Variants in TJP1 observed in about 807,000 individuals in gnomAD.
TJP1 encodes the protein tight junction protein 1.
In TJP1, 43 loss-of-function variants were observed where a neutral mutation model predicts 194.2. The ratio of observed to expected loss-of-function variants is 0.22; its 90% confidence interval spans 0.17 to 0.29. The LOEUF is 0.29. Among genes scored for constraint, TJP1 ranks in the 10% least tolerant of loss-of-function variants. The pLI, the probability that TJP1 is intolerant of heterozygous loss-of-function variation, is 1.00. For missense variants in TJP1, 1,971 were observed against 2,185.7 expected (o/e 0.90, Z 1.96); for synonymous variants, 801 against 779.0 (o/e 1.03, Z -0.47).
intron 1 of TJP1, among the ~76,000 whole-genome samples, chr15:29,965,478 C>G (rs2056302291): frequency 6.6e-6 from 1 of 152,142 alleles, no homozygotes; most frequent in South Asian, 2.1e-4. Context: ...TCTCACAGTG[C>G]TGAGATTACA....
At position 29,773,332 on chromosome 15, in the gene TJP1, G is replaced by A; in HGVS notation, c.110C>T (p.Ala37Val). Residue 37 changes from alanine to valine, a missense_variant, in exon 3 of 28, where the codon GCA becomes GTA. Ala to Val is a moderately conservative substitution (Grantham distance 64, BLOSUM62 0). Around this residue, in one of 5 missense-constraint regions of TJP1, gnomAD observed 245 missense variants for 336.6 expected, o/e 0.73. Transcript: ENST00000614355. ...AGGATTATCTCGTCCACCAGATATTGCAATTCCAAATCCAAATCCAGGAGC... is the reference window on the plus strand; with the variant it reads ...AGGATTATCTCGTCCACCAGATATTACAATTCCAAATCCAAATCCAGGAGC... ...HRAPGFGFGI[A>V]ISGGRDNPHF... The A allele has an allele frequency of 6.2e-7, 1 of 1,613,744 alleles. No homozygotes were observed. Among genetic ancestry groups the A allele is most frequent in the Non-Finnish European group, 8.5e-7 (1 of 1,179,796 alleles).
chr15:29,825,762 A>T (rs1032590202), upstream of TJP1, among the ~76,000 whole-genome samples: 2 of 152,218 alleles, frequency 1.3e-5, no homozygotes, highest in Admixed American at 1.3e-4. Flanking sequence ...ACAAAATATT[A>T]GAAGGAGAAG....
At chr15:29,905,420 C>T (rs8031616) in intron 2 of TJP1, among the ~76,000 whole-genome samples, 8,518 of 152,246 alleles carry the variant, frequency 0.056, 286 homozygotes, top group South Asian at 0.1. Context: ...CGCAAACTTA[C>T]AACAAAGTAC....
chr15:29,731,813 AAAAG>A (rs1481182682), intron 15 of TJP1, among the ~76,000 whole-genome samples: 18 of 152,164 alleles, frequency 1.2e-4, no homozygotes, highest in African/African-American at 3.1e-4. Context: ...GGAAAAAAAA[AAAAG>A]AAAGTAAATA....
chr15:29,908,047 G>GAAAAAAAA (rs2053876752), intron 2 of TJP1, among the ~76,000 whole-genome samples: 1 of 3,038 alleles, frequency 3.3e-4, no homozygotes, highest in Non-Finnish European at 9.4e-4. Flanking sequence ...ACCTTATAAA[G>GAAAAAAAA]CAAAAAAAAA....
intron 2 of TJP1, among the ~76,000 whole-genome samples, chr15:29,912,708 AAAAAAAAAAAAAAAAG>A (rs2054058444): frequency 6.6e-6 from 1 of 150,634 alleles, no homozygotes; most frequent in Non-Finnish European, 1.5e-5. Context: ...AAAAAAAAAA[AAAAAAAAAAAAAAAAG>A]AGGGAGCTTG....
chr15:29,763,601 A>G (rs2046144240), intron 5 of TJP1, among the ~76,000 whole-genome samples: 1 of 151,804 alleles, frequency 6.6e-6, no homozygotes, highest in Non-Finnish European at 1.5e-5. Flanking sequence ...AACCGTCTCT[A>G]TTAAAAATAC....
intron 2 of TJP1, among the ~76,000 whole-genome samples, chr15:29,785,364 T>C (rs1192039596): frequency 6.6e-6 from 1 of 152,212 alleles, no homozygotes; most frequent in African/African-American, 2.4e-5. Flanking sequence ...TTCCTTTACA[T>C]ATAATTATGA....
chr15:29,769,427 T>G (rs899848), intron 4 of TJP1, among the ~76,000 whole-genome samples: 3 of 152,152 alleles, frequency 2.0e-5, no homozygotes, highest in Non-Finnish European at 4.4e-5. Context: ...CTCTGAAAAG[T>G]CACTCCTAGA....
rs773624581 is a variant in TJP1 at position 29,718,845 on chromosome 15, G to A, written c.3297C>T (p.Pro1099=). ...EQWSYYDDKQ[P]YPSRPPFDNQ... ...TATCAAAAGGTGGCCGAGATGGGTA[G>A]GGCTGTTTGTCATCATAATATGACC... Residue 1099 remains proline, a synonymous_variant, in exon 21 of 28, where the codon CCC becomes CCT. Coordinates refer to ENST00000614355, the MANE Select transcript of TJP1 (RefSeq NM_001330239.4). The A allele has an allele frequency of 1.9e-6, 3 of 1,614,184 alleles. No individual in the cohort carries two copies. Among genetic ancestry groups the A allele is most frequent in the Non-Finnish European group, 1.7e-6 (2 of 1,180,024 alleles).
intron 1 of TJP1, among the ~76,000 whole-genome samples, chr15:29,807,073 C>T (rs1329499942): frequency 6.6e-6 from 1 of 152,212 alleles, no homozygotes; most frequent in Non-Finnish European, 1.5e-5. Context: ...TAGCATCCAA[C>T]ACCCCACTGT....
chr15:29,851,170 T>C (rs1278077444), intron 2 of TJP1, among the ~76,000 whole-genome samples: 1 of 151,668 alleles, frequency 6.6e-6, no homozygotes, highest in African/African-American at 2.4e-5. Flanking sequence ...ATTTTAAAAA[T>C]AAAATAAATT....
chr15:29,761,720 A>C lies in TJP1; in HGVS notation c.743T>G (p.Leu248Trp). Residue 248 changes from leucine to tryptophan, a missense_variant, in exon 7 of 28, where the codon TTG (leucine) becomes TGG (tryptophan). Around this residue, in one of 5 missense-constraint regions of TJP1, gnomAD observed 245 missense variants for 336.6 expected, o/e 0.73. Transcript: ENST00000614355. ...TAATTTGCCTTTAGACCTTTCTATC[A>C]ATGTCTTTGCATCTGTCAATGACAT... is the stretch of plus-strand genomic sequence containing the variant. The part of the protein sequence containing the change: ...ENMSLTDAKT[L>W]IERSKGKLKM... The C allele has an allele frequency of 6.3e-7, 1 of 1,599,898 alleles. No homozygotes were observed. Among genetic ancestry groups the C allele is most frequent in the South Asian group, 1.1e-5 (1 of 89,948 alleles).
At chr15:29,729,745 A>T (rs1000251066) in intron 15 of TJP1, among the ~76,000 whole-genome samples, 8 of 151,534 alleles carry the variant, frequency 5.3e-5, no homozygotes, top group African/African-American at 1.7e-4. Context: ...GCATGAACCC[A>T]GGAGGTGAAA....
At chr15:29,713,298 C>A (rs954637138) in intron 23 of TJP1, among the ~76,000 whole-genome samples, 1 of 152,186 alleles carries the variant, frequency 6.6e-6, no homozygotes, top group African/African-American at 2.4e-5. Context: ...GCTCTTCTTG[C>A]ACTGTTTTAG....
At chr15:29,704,394 G>A (rs1452381252) in intron 26 of TJP1, 89 bp from the exon 27 acceptor site, 1 of 1,462,456 alleles carries the variant, frequency 6.8e-7, no homozygotes, top group African/African-American at 1.4e-5. Flanking sequence ...CTAATTATAT[G>A]CTTGAAAGCC....
Position 29,737,243 on chromosome 15 carries a change from T to G in TJP1, c.1407+21A>C, listed in dbSNP as rs201069790. ...TGATCCAAATACTTTTTAACCCACATAAGTTGCAATACTGACATACCCTGA... is the reference window on the plus strand; with the variant it reads ...TGATCCAAATACTTTTTAACCCACAGAAGTTGCAATACTGACATACCCTGA... On this transcript the variant is annotated intron_variant, in intron 11 of 27. Transcript: ENST00000614355. 4 of 1,611,250 alleles carry G rather than the reference T, an allele frequency of 2.5e-6. No individual in the cohort carries two copies. In the African/African-American group the frequency reaches 4.0e-5, roughly 16 times the overall value.
At chr15:29,928,873 C>T (rs556007509) in intron 2 of TJP1, among the ~76,000 whole-genome samples, 88 of 152,004 alleles carry the variant, frequency 5.8e-4, no homozygotes, top group Middle Eastern at 3.4e-3. Flanking sequence ...ACCCAGGAGG[C>T]GGAGCTTGCA....
At chr15:29,807,072 A>G (rs188415263) in intron 1 of TJP1, among the ~76,000 whole-genome samples, 1 of 152,330 alleles carries the variant, frequency 6.6e-6, no homozygotes, top group Non-Finnish European at 1.5e-5. Flanking sequence ...TTAGCATCCA[A>G]CACCCCACTG....
Sources: gnomAD v4.1 joint callset for allele counts (sites outside exome capture counted in the v4.1 genomes callset) on GRCh38, gnomAD v4.1.1 for gene constraint, gnomAD v4.1.1 regional missense constraint, MANE v1.5 for transcripts, NCBI Gene and HGNC (gene_info 2026-07-23, HGNC 2026-07-21) for gene names.